ATP6V1A: variants seen among roughly 807,000 people sequenced by gnomAD.
ATP6V1A encodes the protein ATPase H+ transporting V1 subunit A.
In ATP6V1A, 18 loss-of-function variants were observed where a neutral mutation model predicts 70.1. The ratio of observed to expected loss-of-function variants is 0.26; its 90% CI spans 0.18 to 0.38. ATP6V1A has a LOEUF of 0.38. Ranked by LOEUF, ATP6V1A falls within the 10% of genes least tolerant of loss-of-function variation. ATP6V1A has a pLI of 1.00. For missense variants in ATP6V1A, 424 were observed against 772.4 expected (o/e 0.55, Z 5.35); for synonymous variants, 232 against 253.8 (o/e 0.91, Z 0.82).
rs931385149 is a variant in ATP6V1A, at chr3:113,795,003, G to A, written c.1111+9G>A. 2.5e-6 allele frequency: 4 copies of A among 1,613,492 alleles called. No individual in the cohort carries two copies. The African/African-American group carries it at 5.3e-5, about 22-fold the overall frequency. On this transcript the variant is annotated intron_variant, in intron 9 of 14. Transcript: ENST00000273398. ...AGCTGAAATGCCTGCAGGTAAGTCT[G>A]TGTATTGCTTATCATGTAAACAAGA...
intron 1 of ATP6V1A, among the ~76,000 whole-genome samples, chr3:113,772,999 G>A (rs1347699407): frequency 3.6e-5 from 5 of 138,682 alleles, no homozygotes; most frequent in African/African-American, 1.4e-4. Flanking sequence ...GTGCAGTGGT[G>A]CGATCTCGGT....
At chr3:113,775,563 C>T (rs748522391) in intron 1 of ATP6V1A, among the ~76,000 whole-genome samples, 23 of 134,332 alleles carry the variant, frequency 1.7e-4, no homozygotes, top group Admixed American at 3.6e-4. Context: ...GTAATGCAAT[C>T]GCAAGTCTGG....
At chr3:113,753,346 G>A (rs910008157) in intron 1 of ATP6V1A, among the ~76,000 whole-genome samples, 1 of 152,196 alleles carries the variant, frequency 6.6e-6, no homozygotes, top group Non-Finnish European at 1.5e-5. Context: ...GCGGAGATGT[G>A]AAGTGTTAGA....
intron 14 of ATP6V1A, among the ~76,000 whole-genome samples, chr3:113,806,621 G>A (rs534294748): frequency 1.3e-5 from 2 of 152,170 alleles, no homozygotes; most frequent in African/African-American, 4.8e-5. Context: ...ACCACGCCCA[G>A]CTAATTTTTT....
chr3:113,761,108 T>C (rs538001480), intron 1 of ATP6V1A, among the ~76,000 whole-genome samples: 2 of 151,786 alleles, frequency 1.3e-5, no homozygotes, highest in South Asian at 4.2e-4. Context: ...TTTTCTTTTT[T>C]TTTTTCTTTT....
intron 1 of ATP6V1A, among the ~76,000 whole-genome samples, chr3:113,775,652 A>G (rs1303238847): frequency 6.6e-6 from 1 of 152,190 alleles, no homozygotes; most frequent in Non-Finnish European, 1.5e-5. Flanking sequence ...GTTCTGCAGC[A>G]TGTTATTGGT....
chr3:113,768,429 G>A (rs928335302), intron 1 of ATP6V1A, among the ~76,000 whole-genome samples: 2 of 151,900 alleles, frequency 1.3e-5, no homozygotes, highest in Admixed American at 1.3e-4. Flanking sequence ...GCCAATAAAG[G>A]CAACAAGGAC....
At chr3:113,785,237 C>G (rs751658963) in intron 5 of ATP6V1A, among the ~76,000 whole-genome samples, 22 of 152,114 alleles carry the variant, frequency 1.4e-4, no homozygotes, top group Admixed American at 4.6e-4. Flanking sequence ...GTCAGGAGAT[C>G]GAGACCAGCC....
intron 8 of ATP6V1A, among the ~76,000 whole-genome samples, chr3:113,790,074 A>C (rs1709075168): frequency 6.6e-6 from 1 of 152,144 alleles, no homozygotes; most frequent in Non-Finnish European, 1.5e-5. Flanking sequence ...GTTCGAGACC[A>C]GCCTGGCCAA....
chr3:113,808,529 T>A (rs1361746416), intron 14 of ATP6V1A, among the ~76,000 whole-genome samples: 1 of 151,986 alleles, frequency 6.6e-6, no homozygotes, highest in Non-Finnish European at 1.5e-5. Context: ...CCCGACCTTG[T>A]GACTCGCCTG....
intron 1 of ATP6V1A, among the ~76,000 whole-genome samples, chr3:113,758,892 T>C (rs1708672779): frequency 6.6e-6 from 1 of 152,214 alleles, no homozygotes; most frequent in African/African-American, 2.4e-5. Context: ...GGCATTTCAT[T>C]GTGGTTTTAA....
intron 8 of ATP6V1A, among the ~76,000 whole-genome samples, chr3:113,793,038 T>G (rs1709113302): frequency 6.6e-6 from 1 of 152,094 alleles, no homozygotes; most frequent in African/African-American, 2.4e-5. Flanking sequence ...GAAACTCTTT[T>G]TGGTTTTTTG....
chr3:113,787,856 T>C (rs1709053880), intron 6 of ATP6V1A, among the ~76,000 whole-genome samples: 1 of 152,242 alleles, frequency 6.6e-6, no homozygotes, highest in Admixed American at 6.5e-5. Flanking sequence ...TGTTGTCTGC[T>C]CTTTCCATTT....
chr3:113,784,451 A>G lies in ATP6V1A; in HGVS notation c.426+13A>G, dbSNP rs1709015902. 3.2e-6 allele frequency: 5 copies of G among 1,582,126 alleles called. No individual in the cohort carries two copies. The East Asian group carries it at 9.0e-5, about 28-fold the overall frequency. ...CAAAAACCTACGGGTATGTCTGTGT[A>G]ACCAAGAATTTCTGAAGTTATTGAA... On this transcript the variant is annotated intron_variant, in intron 4 of 14. Coordinates refer to ENST00000273398, the MANE Select transcript of ATP6V1A (RefSeq NM_001690.4).
At chr3:113,795,426 T>C (rs1205519047) in intron 10 of ATP6V1A, among the ~76,000 whole-genome samples, 2 of 151,814 alleles carry the variant, frequency 1.3e-5, no homozygotes, top group Non-Finnish European at 2.9e-5. Flanking sequence ...CTTTAATTTA[T>C]ATATTTATAT....
In ATP6V1A at chr3:113,786,349, T is replaced by C. The variant is rs1337808725; in HGVS notation, c.682T>C (p.Leu228=). Reference sequence around the variant, plus strand: ...GAAGCTGCCAGCCAATCATCCTCTGTTGACTGGCCAGAGAGTCCTTGATGC... The same window carrying C: ...GAAGCTGCCAGCCAATCATCCTCTGCTGACTGGCCAGAGAGTCCTTGATGC... ...TEKLPANHPL[L]TGQRVLDALF... is the part of the protein sequence containing the mutation. The change falls in exon 6 of 15, where the codon TTG becomes CTG. Residue 228 remains leucine, a synonymous_variant. Transcript: ENST00000273398. 29 of 1,613,890 alleles carry C rather than the reference T, an allele frequency of 1.8e-5. No individual in the cohort carries two copies. Among genetic ancestry groups the C allele is most frequent in the Non-Finnish European group, 2.3e-5 (27 of 1,179,924 alleles).
intron 1 of ATP6V1A, among the ~76,000 whole-genome samples, chr3:113,755,212 T>C (rs1466369452): frequency 6.6e-6 from 1 of 152,142 alleles, no homozygotes; most frequent in African/African-American, 2.4e-5. Flanking sequence ...ATTGCATTTT[T>C]CTCAACTTTA....
intron 6 of ATP6V1A, 86 bp from the exon 7 acceptor site, chr3:113,788,627 G>A (rs1274515932): frequency 7.6e-7 from 1 of 1,317,508 alleles, no homozygotes; most frequent in Non-Finnish European, 1.0e-6. Flanking sequence ...GGGATTACAG[G>A]CGTGAGCCAC....
intron 1 of ATP6V1A, among the ~76,000 whole-genome samples, chr3:113,765,658 T>C (rs1708760587): frequency 1.4e-5 from 2 of 143,028 alleles, no homozygotes; most frequent in Admixed American, 7.1e-5. Flanking sequence ...TGGCTCGGCC[T>C]GTTATCCCAG....
Sources: gnomAD v4.1 joint callset for allele counts (sites outside exome capture counted in the v4.1 genomes callset) on GRCh38, gnomAD v4.1.1 for gene constraint, MANE v1.5 for transcripts, NCBI Gene and HGNC (gene_info 2026-07-23, HGNC 2026-07-21) for gene names.